Variants in ARL5C observed in about 807,000 individuals in gnomAD.
ARL5C encodes the protein ARF like GTPase 5C.
Under a neutral mutation model 20.8 loss-of-function variants are expected in ARL5C, and 21 were observed. The observed-to-expected ratio is 1.01, with a 90% CI of 0.72 to 1.46. ARL5C has a LOEUF of 1.46. ARL5C is among the 40% of genes most tolerant of loss of function. The probability of loss-of-function intolerance (pLI) is 0.00; values close to 1 mark genes in which losing one functional copy is unlikely to be tolerated. For synonymous variants in ARL5C, 71 were observed against 81.6 expected (o/e 0.87, Z 0.70); for missense variants, 199 against 225.1 (o/e 0.88, Z 0.74).
At chr17:39,160,357 A>T in intron 5 of ARL5C, 1 of 478,558 alleles carries the variant, frequency 2.1e-6, no homozygotes, top group Non-Finnish European at 3.7e-6. Context: ...AGATTATTGC[A>T]TTTAGGCGGA....
chr17:39,160,919 G>C (rs761636974), intron 4 of ARL5C, among the ~76,000 whole-genome samples, 177 bp from the exon 5 acceptor site: 4 of 152,194 alleles, frequency 2.6e-5, no homozygotes, highest in Non-Finnish European at 5.9e-5. Flanking sequence ...AATAACATCA[G>C]CAGCTCAAGG....
chr17:39,160,711 G>T lies in ARL5C; in HGVS notation c.371C>A (p.Ala124Asp). The T allele has an allele frequency of 1.3e-6, 2 of 1,551,768 alleles. No homozygotes were observed. The highest frequency in any genetic ancestry group is 1.7e-6 in the Non-Finnish European group (2 of 1,146,996). Reference sequence around the variant, plus strand: ...GGAGTCCTTCACGTCCTGCTTATTGGCAAATATCAGGACTGAAGCATCCTG... The same window carrying T: ...GGAGTCCTTCACGTCCTGCTTATTGTCAAATATCAGGACTGAAGCATCCTG... The part of the protein sequence containing the change: ...ALQDASVLIF[A>D]NKQDVKDSMR... Residue 124 changes from alanine to aspartate, a missense_variant, in exon 5 of 6, where the codon GCC becomes GAC. By Grantham distance (126) the Ala-to-Asp change is moderately radical (BLOSUM62 -2). Transcript: ENST00000269586.
At chr17:39,158,560 C>T (rs2045418145) in intron 5 of ARL5C, among the ~76,000 whole-genome samples, 1 of 151,766 alleles carries the variant, frequency 6.6e-6, no homozygotes, top group East Asian at 1.9e-4. Flanking sequence ...CTGCAGTAAG[C>T]CATGTTTGCA....
At chr17:39,160,141 TG>T in intron 5 of ARL5C, 1 of 158,390 alleles carries the variant, frequency 6.3e-6, no homozygotes, top group East Asian at 1.9e-4. Flanking sequence ...AAGACCAGCC[TG>T]GCCAACCCCA....
chr17:39,162,637 C>G lies in ARL5C; in HGVS notation c.255+74G>C, dbSNP rs2045440466. On this transcript the variant is annotated intron_variant, in intron 3 of 5. Transcript: ENST00000269586. ...TATTTCACAAGTTGGGGAACCAAGG[C>G]TCAGAAAGGTTACATGACAGTCTGA... 4.0e-6 allele frequency: 6 copies of G among 1,486,778 alleles called. No homozygotes were observed. In the Middle Eastern group the frequency reaches 8.9e-4, roughly 220 times the overall value. The allele number at this position is 1,486,778 out of a possible 1,614,324, so 92.1% of individuals were successfully genotyped here. A position where few individuals can be genotyped will look rare whatever the true frequency, so the allele number is the denominator to read the frequency against.
At chr17:39,165,308 G>T in intron 1 of ARL5C, 169 bp from the exon 2 acceptor site, 2 of 655,436 alleles carry the variant, frequency 3.1e-6, no homozygotes, top group South Asian at 3.7e-5. Flanking sequence ...CCCCACTCCG[G>T]GACGGTGGAA....
chr17:39,161,183 G>A (rs35170694), intron 4 of ARL5C, 85 bp downstream of exon 4: 59,780 of 1,304,454 alleles, frequency 0.046, 1,582 homozygotes, highest in Middle Eastern at 0.077. Context: ...GGGACAGCAG[G>A]AACGAATCTC....
chr17:39,159,205 T>G (rs1009310344), intron 5 of ARL5C, among the ~76,000 whole-genome samples: 3 of 147,918 alleles, frequency 2.0e-5, no homozygotes, highest in African/African-American at 7.5e-5. Flanking sequence ...CGGTTTTTTT[T>G]TTTTTTTTTT....
chr17:39,164,990 C>G (rs969529010), intron 2 of ARL5C, 89 bp downstream of exon 2: 1 of 1,387,310 alleles, frequency 7.2e-7, no homozygotes. Flanking sequence ...GCCCGGGAAC[C>G]CAGGGAAGAG....
rs553109086 is a variant in ARL5C at position 39,163,406 on chromosome 17, C to T, written c.108-548G>A. ...TCTTTCTTTCTTTCTCTCTTTCTTT[C>T]CTTCTCTCTCTCTCTTTCTTTCTTT... is the stretch of plus-strand genomic sequence containing the variant. On this transcript the variant is annotated intron_variant, in intron 2 of 5. Coordinates refer to ENST00000269586, the MANE Select transcript of ARL5C (RefSeq NM_001143968.1). Among the ~76,000 whole-genome samples, 3 of 138,232 alleles carry T rather than the reference C, an allele frequency of 2.2e-5. No individual in the cohort carries two copies. In the South Asian group the frequency reaches 7.0e-4, roughly 32 times the overall value. 90.7% of individuals were successfully genotyped at this position (138,232 alleles called of 152,430 possible). A position where few individuals can be genotyped will look rare whatever the true frequency, so the allele number is the denominator to read the frequency against.
intron 3 of ARL5C, among the ~76,000 whole-genome samples, chr17:39,161,675 G>A (rs183922732): frequency 2.2e-4 from 33 of 152,010 alleles, no homozygotes; most frequent in African/African-American, 5.8e-4. Flanking sequence ...CACCACACCC[G>A]GCTAATTTTT....
chr17:39,161,213 C>G (rs1024909314), intron 4 of ARL5C, 55 bp downstream of exon 4: 2 of 1,482,656 alleles, frequency 1.3e-6, no homozygotes, highest in Non-Finnish European at 1.8e-6. Flanking sequence ...AAGTGACCAG[C>G]CTGAGGGCAC....
rs1193748091 is a variant in ARL5C, at chr17:39,165,774, C to T, written c.-14G>A. The stretch of plus-strand genomic sequence containing the variant: ...CAGCTGTCCCATGGCACTTCCCGGG[C>T]CGGACAGGTGCAGGAGGGCTCAGCG... On this transcript the variant is annotated 5_prime_UTR_variant, in exon 1 of 6. Coordinates refer to ENST00000269586, the MANE Select transcript of ARL5C (RefSeq NM_001143968.1). 1 of 1,551,784 alleles carries T rather than the reference C, an allele frequency of 6.4e-7. No homozygotes were observed. The highest frequency in any genetic ancestry group is 2.4e-5 in the East Asian group (1 of 41,056).
intron 3 of ARL5C, 71 bp from the exon 4 acceptor site, chr17:39,161,422 T>G: frequency 7.4e-7 from 1 of 1,348,616 alleles, no homozygotes; most frequent in South Asian, 1.3e-5. Context: ...CCTCTTTCTT[T>G]CCCCACTGGT....
rs544198 is a variant in ARL5C at position 39,162,776 on chromosome 17, T to A, written c.190A>T (p.Met64Leu). Residue 64 changes from methionine (M) to leucine (L), a missense_variant, in exon 3 of 6, where the codon ATG becomes TTG. Met to Leu is a conservative substitution (Grantham distance 15). Transcript: ENST00000269586. ...GCCTCAGGTCTCACTATGTCCCACATGAAGAAGTGGGTCTTCGGCAGAATG... is the reference window on the plus strand; with the variant it reads ...GCCTCAGGTCTCACTATGTCCCACAAGAAGAAGTGGGTCTTCGGCAGAATG... ...EIILPKTHFF[M>L]WDIVRPEALS... 8 of 1,551,474 alleles carry A rather than the reference T, an allele frequency of 5.2e-6. No homozygotes were observed. The highest frequency in any genetic ancestry group is 1.2e-5 in the South Asian group (1 of 84,056).
intron 3 of ARL5C, 90 bp from the exon 4 acceptor site, chr17:39,161,441 T>C: frequency 9.1e-7 from 1 of 1,103,116 alleles, no homozygotes; most frequent in Non-Finnish European, 1.3e-6. Context: ...GTCTCTGCAC[T>C]GCCCAGATGT....
At chr17:39,163,349 T>TCTTTCTTTCTTC (rs1491496229) in intron 2 of ARL5C, among the ~76,000 whole-genome samples, 1 of 93,450 alleles carries the variant, frequency 1.1e-5, no homozygotes, top group Non-Finnish European at 1.9e-5. Flanking sequence ...CTTTTGCCTT[T>TCTTTCTTTCTTC]CTTTCTTTCT....
rs2045430146 is a variant in ARL5C at position 39,160,737 on chromosome 17, T to C, written c.345A>G (p.Leu115=). Residue 115 remains leucine, a synonymous_variant, in exon 5 of 6, where the codon CTA becomes CTG. Transcript: ENST00000269586. ...ELYKMLAHEA[L]QDASVLIFAN... is the part of the protein sequence containing the mutation. ...CAAATATCAGGACTGAAGCATCCTGTAGAGCCTGTGGACAGAGGAGCCCAG... is the reference window on the plus strand; with the variant it reads ...CAAATATCAGGACTGAAGCATCCTGCAGAGCCTGTGGACAGAGGAGCCCAG... The C allele has an allele frequency of 6.4e-7, 1 of 1,551,256 alleles. No homozygotes were observed. Among genetic ancestry groups the C allele is most frequent in the Non-Finnish European group, 8.7e-7 (1 of 1,146,966 alleles).
intron 2 of ARL5C, 62 bp downstream of exon 2, chr17:39,165,017 C>T (rs2045455605): frequency 6.6e-7 from 1 of 1,513,210 alleles, no homozygotes; most frequent in Admixed American, 2.0e-5. Context: ...TGATTGGTCC[C>T]CCTGCCTGTC....
Sources: allele counts gnomAD v4.1 joint callset (sites outside exome capture counted in the v4.1 genomes callset), GRCh38; gene constraint gnomAD v4.1.1; transcripts MANE v1.5; gene names NCBI Gene and HGNC (gene_info 2026-07-23, HGNC 2026-07-21).